SYNE1: variants seen among roughly 807,000 people sequenced by gnomAD.
The protein encoded by SYNE1 is spectrin repeat containing nuclear envelope protein 1, also known as nesprin-1.
In SYNE1, 616 loss-of-function variants were observed where a neutral mutation model predicts 1,111.0. The ratio of observed to expected loss-of-function variants is 0.55; its 90% CI spans 0.52 to 0.59. The LOEUF (loss-of-function observed/expected upper bound fraction) is 0.59, where lower values mean the gene tolerates loss of function less well. Ranked by LOEUF, SYNE1 falls within the 20% of genes least tolerant of loss-of-function variation. The probability of loss-of-function intolerance (pLI) is 0.00; values close to 1 mark genes in which losing one functional copy is unlikely to be tolerated. For synonymous variants in SYNE1, 3,855 were observed against 3,825.8 expected (o/e 1.01, Z -0.28); for missense variants, 10,006 against 10,417.0 (o/e 0.96, Z 1.72).
chr6:152,266,852 C>T (rs1259675081), intron 100 of SYNE1, among the ~76,000 whole-genome samples: 2 of 152,054 alleles, frequency 1.3e-5, no homozygotes, highest in African/African-American at 2.4e-5. Context: ...ACAGACTGTA[C>T]GTAGTCAGCA....
chr6:152,432,542 T>C (rs1468522736), intron 34 of SYNE1, among the ~76,000 whole-genome samples: 2 of 152,126 alleles, frequency 1.3e-5, no homozygotes, highest in Non-Finnish European at 2.9e-5. Context: ...TGAATATATA[T>C]TTTAAGAAAA....
rs371476665 is a variant in SYNE1, at chr6:152,143,639, G to T, written c.25103C>A (p.Thr8368Asn). Reference sequence around the variant, plus strand: ...GATACTTACGTAGCCTTTGTAGCTGGTGTCTAGCTCCGGCCCCGTGGGAGT... The same window carrying T: ...GATACTTACGTAGCCTTTGTAGCTGTTGTCTAGCTCCGGCCCCGTGGGAGT... The part of the protein sequence containing the change: ...SKTPTGPELD[T>N]SYKGYMKLLG... Residue 8368 changes from threonine to asparagine, a missense_variant, in exon 138 of 146, where the codon ACC becomes AAC. Transcript: ENST00000367255. The T allele has an allele frequency of 6.2e-7, 1 of 1,614,180 alleles. No individual in the cohort carries two copies. The highest frequency in any genetic ancestry group is 8.5e-7 in the Non-Finnish European group (1 of 1,180,044).
chr6:152,553,444 C>T (rs1057381588), intron 3 of SYNE1, among the ~76,000 whole-genome samples: 2 of 152,160 alleles, frequency 1.3e-5, no homozygotes, highest in Admixed American at 6.5e-5. Flanking sequence ...CCCTTTCCCC[C>T]GTACTATATT....
At chr6:152,131,971 G>A in intron 144 of SYNE1, 151 bp downstream of exon 144, 3 of 647,530 alleles carry the variant, frequency 4.6e-6, no homozygotes, top group Non-Finnish European at 8.3e-6. Flanking sequence ...GCTGGGAGGG[G>A]ATGTGGCAGG....
chr6:152,367,032 T>G lies in SYNE1; in HGVS notation c.9972+186A>C, dbSNP rs191158156. On this transcript the variant is annotated intron_variant, in intron 62 of 145. Transcript: ENST00000367255. ...ATTTTATTTTATTTTTTGGAAAACA[T>G]CCGGGGTCAGATGATTCAGGAATTC... 1.9e-4 allele frequency: 142 copies of G among 752,192 alleles called. No homozygotes were observed. In the African/African-American group the frequency reaches 2.3e-3, roughly 12 times the overall value. 46.6% of individuals were successfully genotyped at this position (752,192 alleles called of 1,614,324 possible). A position where few individuals can be genotyped will look rare whatever the true frequency, so the allele number is the denominator to read the frequency against.
chr6:152,630,901 CCTCT>C (rs147018319), intron 2 of SYNE1, among the ~76,000 whole-genome samples: 13 of 151,614 alleles, frequency 8.6e-5, no homozygotes, highest in Non-Finnish European at 1.8e-4. Context: ...CTGTGCATGC[CCTCT>C]CTCTCTCTCG....
intron 126 of SYNE1, among the ~76,000 whole-genome samples, chr6:152,204,817 C>T (rs79490105): frequency 6.6e-6 from 1 of 151,962 alleles, no homozygotes; most frequent in African/African-American, 2.4e-5. Context: ...AACAGACAGA[C>T]AAGAAAAGCA....
intron 95 of SYNE1, among the ~76,000 whole-genome samples, chr6:152,293,091 G>T (rs2094688824): frequency 6.6e-6 from 1 of 152,140 alleles, no homozygotes. Context: ...TTTAAAAAAT[G>T]ATTTAAGTCA....
At chr6:152,229,976 G>T (rs1045885728) in intron 115 of SYNE1, among the ~76,000 whole-genome samples, 6 of 152,082 alleles carry the variant, frequency 3.9e-5, no homozygotes, top group African/African-American at 1.4e-4. Flanking sequence ...TAAGAATAAA[G>T]TGACATGATG....
chr6:152,563,075 C>G (rs1595440653), intron 3 of SYNE1, among the ~76,000 whole-genome samples: 1 of 151,870 alleles, frequency 6.6e-6, no homozygotes, highest in Non-Finnish European at 1.5e-5. Flanking sequence ...CACACACACA[C>G]AGAAAGAGAA....
At chr6:152,346,968 T>G in intron 73 of SYNE1, 91 bp downstream of exon 73, 1 of 1,479,934 alleles carries the variant, frequency 6.8e-7, no homozygotes, top group Non-Finnish European at 9.2e-7. Flanking sequence ...TCCAAAGATT[T>G]GAGCATCGAT....
intron 130 of SYNE1, among the ~76,000 whole-genome samples, chr6:152,172,513 G>A (rs1231982485): frequency 1.3e-5 from 2 of 152,252 alleles, no homozygotes; most frequent in African/African-American, 2.4e-5. Context: ...ACAACAGAGT[G>A]CGCAAGTTGA....
In SYNE1 at chr6:152,344,069, G is replaced by A; in HGVS notation, c.12225+12C>T. On this transcript the variant is annotated intron_variant, in intron 74 of 145. Coordinates refer to ENST00000367255, the MANE Select transcript of SYNE1 (RefSeq NM_182961.4). ...TTCACAAGAATAACACAAACTTTCA[G>A]GAGTTTACTACCTGCTTAATGGCTT... 1.2e-6 allele frequency: 2 copies of A among 1,614,122 alleles called. No homozygotes were observed. Among genetic ancestry groups the A allele is most frequent in the Non-Finnish European group, 1.7e-6 (2 of 1,180,022 alleles).
intron 3 of SYNE1, among the ~76,000 whole-genome samples, chr6:152,598,081 T>C (rs916567502): frequency 6.6e-6 from 1 of 152,090 alleles, no homozygotes; most frequent in African/African-American, 2.4e-5. Flanking sequence ...GGCTCAGATA[T>C]ACAGATTCAG....
intron 3 of SYNE1, among the ~76,000 whole-genome samples, chr6:152,612,974 A>G (rs1471069751): frequency 5.9e-5 from 9 of 152,154 alleles, no homozygotes; most frequent in Non-Finnish European, 1.0e-4. Flanking sequence ...ATCTCAATAA[A>G]CTAGGTATTG....
At chr6:152,149,771 AG>A (rs2060102045) in intron 135 of SYNE1, 103 bp from the exon 136 acceptor site, 4 of 991,524 alleles carry the variant, frequency 4.0e-6, no homozygotes, top group South Asian at 1.4e-5. Flanking sequence ...AAAGACATGT[AG>A]GGGCTATTTA....
intron 22 of SYNE1, 138 bp downstream of exon 22, chr6:152,458,619 G>A (rs1276152709): frequency 1.3e-5 from 11 of 826,512 alleles, no homozygotes; most frequent in Non-Finnish European, 2.1e-5. Context: ...GACAAGACAT[G>A]TATTTTTGTT....
chr6:152,253,817 GGTTTTTTTTTTTTTTTTTTTTTTTTTTTT>G (rs1340798909), intron 104 of SYNE1, among the ~76,000 whole-genome samples: 4 of 59,156 alleles, frequency 6.8e-5, no homozygotes, highest in South Asian at 6.8e-4. Context: ...GTAGTGGTTT[GGTTTTTTTTTTTTTTTTTTTTTTTTTTTT>G]TTTTTTTTTT....
intron 18 of SYNE1, 60 bp downstream of exon 18, chr6:152,465,198 A>G: frequency 6.4e-7 from 1 of 1,572,924 alleles, no homozygotes; most frequent in African/African-American, 1.3e-5. Context: ...GCTACGCTGT[A>G]AAAGTCTCTC....
Sources: gnomAD v4.1 joint callset for allele counts (sites outside exome capture counted in the v4.1 genomes callset) on GRCh38, gnomAD v4.1.1 for gene constraint, MANE v1.5 for transcripts, NCBI Gene and HGNC (gene_info 2026-07-23, HGNC 2026-07-21) for gene names.